GIP: variants seen among roughly 807,000 people sequenced by gnomAD.
GIP encodes the protein gastric inhibitory polypeptide.
A neutral mutation model predicts 18.1 loss-of-function variants in GIP; 16 were observed. The ratio of observed to expected loss-of-function variants is 0.88; its 90% CI spans 0.60 to 1.34. The LOEUF is 1.34. GIP is among the 40% of genes most tolerant of loss of function. GIP has a pLI of 0.00. For synonymous variants in GIP, 76 were observed against 74.0 expected (o/e 1.03, Z -0.14); for missense variants, 192 against 183.4 (o/e 1.05, Z -0.27).
intron 3 of GIP, among the ~76,000 whole-genome samples, chr17:48,963,282 T>C (rs1598103773): frequency 6.6e-6 from 1 of 152,076 alleles, no homozygotes; most frequent in East Asian, 1.9e-4. Flanking sequence ...CCCAGCACTT[T>C]GGGAGGCCAA....
Position 48,961,713 on chromosome 17 carries a change from G to A in GIP, c.350+14C>T. The A allele has an allele frequency of 6.4e-7, 1 of 1,568,776 alleles. No homozygotes were observed. Among genetic ancestry groups the A allele is most frequent in the Non-Finnish European group, 8.8e-7 (1 of 1,141,760 alleles). ...AGGCTTGGCTCCCTCCCTTCCCTCT[G>A]CGCCCTGACTCACCTCTGTGGCTCC... On this transcript the variant is annotated intron_variant, in intron 4 of 5. Transcript: ENST00000357424.
intron 1 of GIP, among the ~76,000 whole-genome samples, chr17:48,967,771 G>T (rs2041243071): frequency 6.6e-6 from 1 of 151,670 alleles, no homozygotes; most frequent in Non-Finnish European, 1.5e-5. Context: ...GATGGACCAG[G>T]CTGGGTGCAG....
rs1324728857 is a variant in GIP, at chr17:48,964,174, A to G, written c.257+136T>C. On this transcript the variant is annotated intron_variant, in intron 3 of 5. Transcript: ENST00000357424. ...GACTCCATCTCAAAAAAAAAAAAAA[A>G]AAAGAAAAGAAAAAGAAAGGTGCCA... 24 of 594,904 alleles carry G rather than the reference A, an allele frequency of 4.0e-5. No homozygotes were observed. In the East Asian group the frequency reaches 6.1e-4, roughly 15 times the overall value. 36.9% of individuals were successfully genotyped at this position (594,904 alleles called of 1,614,324 possible). A position where few individuals can be genotyped will look rare whatever the true frequency, so the allele number is the denominator to read the frequency against.
rs771330447 is a variant in GIP, at chr17:48,958,718, T to A, written c.453-2A>T. On this transcript the variant is annotated splice_acceptor_variant, in intron 5 of 5. Transcript: ENST00000357424. LOFTEE classifies it high-confidence loss of function. ...GGGTGTGGTCAGAGTCACCGAGACC[T>A]GGGGAGAGTGGGGAAAGGAGAAGAA... 123 of 1,578,540 alleles carry A rather than the reference T, an allele frequency of 7.8e-5. No individual in the cohort carries two copies. Among genetic ancestry groups the A allele is most frequent in the South Asian group, 2.2e-4 (19 of 85,618 alleles).
chr17:48,960,682 T>C (rs75817517), intron 5 of GIP, among the ~76,000 whole-genome samples: 1,737 of 152,266 alleles, frequency 0.011, 48 homozygotes, highest in African/African-American at 0.04. Flanking sequence ...TTTTGTTTTT[T>C]TTCTTTGTAT....
At chr17:48,959,336 C>A (rs2041186832) in intron 5 of GIP, among the ~76,000 whole-genome samples, 1 of 152,082 alleles carries the variant, frequency 6.6e-6, no homozygotes, top group South Asian at 2.1e-4. Flanking sequence ...TCACAATATC[C>A]ACCTTCTTAC....
intron 2 of GIP, among the ~76,000 whole-genome samples, chr17:48,965,382 A>T (rs1349430753): frequency 1.3e-5 from 2 of 149,844 alleles, no homozygotes; most frequent in African/African-American, 4.9e-5. Flanking sequence ...AGGTGGGTGG[A>T]TCACAAAGTC....
At chr17:48,967,310 G>C in intron 1 of GIP, 57 bp from the exon 2 acceptor site, 1 of 1,150,664 alleles carries the variant, frequency 8.7e-7, no homozygotes, top group Non-Finnish European at 1.3e-6. Flanking sequence ...GGTTCTGAAA[G>C]CTGGAGAGGG....
At chr17:48,967,005 G>A (rs1043029562) in intron 2 of GIP, 142 bp downstream of exon 2, 7 of 629,522 alleles carry the variant, frequency 1.1e-5, no homozygotes, top group African/African-American at 5.5e-5. Context: ...TTGCACTCAC[G>A]CTGCCGGCAG....
At chr17:48,965,604 CAAAA>C (rs33918974) in intron 2 of GIP, among the ~76,000 whole-genome samples, 2 of 84,218 alleles carry the variant, frequency 2.4e-5, no homozygotes, top group Non-Finnish European at 4.3e-5. Flanking sequence ...GACTCCATCT[CAAAA>C]AAAAAAAAAA....
At chr17:48,966,409 A>T (rs762060566) in intron 2 of GIP, among the ~76,000 whole-genome samples, 3 of 151,564 alleles carry the variant, frequency 2.0e-5, no homozygotes, top group Non-Finnish European at 2.9e-5. Flanking sequence ...TACAAAAATT[A>T]GCCGGGTGTG....
chr17:48,959,757 G>A (rs1232324994), intron 5 of GIP, among the ~76,000 whole-genome samples: 1 of 143,796 alleles, frequency 7.0e-6, no homozygotes, highest in Non-Finnish European at 1.5e-5. Flanking sequence ...AGCTCTGTGT[G>A]TAGGGACAGG....
chr17:48,966,820 G>A (rs1394039723), intron 2 of GIP, among the ~76,000 whole-genome samples: 4 of 151,658 alleles, frequency 2.6e-5, no homozygotes, highest in South Asian at 2.1e-4. Context: ...AAAGAAAAAA[G>A]AAAAAAAGAA....
At chr17:48,961,191 C>G (rs116837265) in intron 4 of GIP, among the ~76,000 whole-genome samples, 1,931 of 152,280 alleles carry the variant, frequency 0.013, 44 homozygotes, top group African/African-American at 0.044. Flanking sequence ...GGAATATGGA[C>G]TCTTCATACA....
chr17:48,962,834 G>A (rs1487508296), intron 3 of GIP, among the ~76,000 whole-genome samples: 3 of 151,830 alleles, frequency 2.0e-5, no homozygotes, highest in Non-Finnish European at 4.4e-5. Flanking sequence ...GGCCAACACA[G>A]TGGCTCACAC....
At chr17:48,959,465 A>G (rs750966833) in intron 5 of GIP, among the ~76,000 whole-genome samples, 26 of 152,160 alleles carry the variant, frequency 1.7e-4, no homozygotes, top group Non-Finnish European at 2.8e-4. Context: ...CTCAGCATCA[A>G]TGTCTGAAGT....
At chr17:48,963,103 C>CTT (rs1265071682) in intron 3 of GIP, among the ~76,000 whole-genome samples, 6 of 73,008 alleles carry the variant, frequency 8.2e-5, no homozygotes, top group Admixed American at 1.4e-4. Context: ...CAAAAAAAAT[C>CTT]CGTCTCAAAA....
At chr17:48,968,024 C>A (rs1371216742) in intron 1 of GIP, among the ~76,000 whole-genome samples, 1 of 151,864 alleles carries the variant, frequency 6.6e-6, no homozygotes, top group African/African-American at 2.4e-5. Context: ...TGCACTCCAG[C>A]CTGGGTGACA....
chr17:48,967,364 T>A, intron 1 of GIP, 111 bp from the exon 2 acceptor site: 1 of 242,350 alleles, frequency 4.1e-6, no homozygotes, highest in East Asian at 5.3e-5. Context: ...TTTTTCTTTT[T>A]TTTTTTTTTT....
Sources: allele counts gnomAD v4.1 joint callset (sites outside exome capture counted in the v4.1 genomes callset), GRCh38; gene constraint gnomAD v4.1.1; transcripts MANE v1.5; gene names NCBI Gene and HGNC (gene_info 2026-07-23, HGNC 2026-07-21).